Variants in KSR2 observed in about 807,000 individuals in gnomAD.
KSR2 encodes the protein kinase suppressor of ras 2.
A neutral mutation model predicts 107.8 loss-of-function variants in KSR2; 25 were observed. The ratio of observed to expected loss-of-function variants is 0.23; its 90% CI spans 0.17 to 0.32. The LOEUF is 0.32. Ranked by LOEUF, KSR2 falls within the 10% of genes least tolerant of loss-of-function variation. The pLI, the probability that KSR2 is intolerant of heterozygous loss-of-function variation, is 1.00. For synonymous variants in KSR2, 480 were observed against 507.0 expected, an observed-to-expected ratio of 0.95 and a Z score of 0.71; for missense variants, 887 against 1,268.9, an observed-to-expected ratio of 0.70 and a Z score of 4.57.
At chr12:117,942,687 C>T (rs1896047747) in intron 1 of KSR2, among the ~76,000 whole-genome samples, 3 of 148,184 alleles carry the variant, frequency 2.0e-5, no homozygotes, top group African/African-American at 5.0e-5. Flanking sequence ...TTTGGAGAAA[C>T]AAGAGTTTTG....
intron 5 of KSR2, among the ~76,000 whole-genome samples, chr12:117,629,315 C>A (rs1882698244): frequency 6.6e-6 from 1 of 152,190 alleles, no homozygotes; most frequent in Non-Finnish European, 1.5e-5. Context: ...CAGAGCTGTT[C>A]CTATTTGGCC....
chr12:117,914,452 A>G (rs1273474059), intron 1 of KSR2, among the ~76,000 whole-genome samples: 2 of 151,672 alleles, frequency 1.3e-5, no homozygotes, highest in African/African-American at 2.4e-5. Flanking sequence ...AAGCCAAACA[A>G]CAACAACAAA....
At chr12:117,873,650 G>T (rs1311530365) in intron 1 of KSR2, among the ~76,000 whole-genome samples, 3 of 151,974 alleles carry the variant, frequency 2.0e-5, no homozygotes, top group African/African-American at 7.2e-5. Flanking sequence ...TAGTAGAGAT[G>T]GGGTTTCACC....
chr12:117,469,340 T>C (rs1871304389), intron 19 of KSR2, among the ~76,000 whole-genome samples: 1 of 152,002 alleles, frequency 6.6e-6, no homozygotes, highest in Non-Finnish European at 1.5e-5. Context: ...ACCTGACATA[T>C]GGGGGGCTTG....
chr12:117,486,406 G>T (rs776020659), intron 14 of KSR2, among the ~76,000 whole-genome samples: 2 of 152,134 alleles, frequency 1.3e-5, no homozygotes, highest in Non-Finnish European at 2.9e-5. Flanking sequence ...TTCCCAGCAC[G>T]CACAGAGCAG....
intron 1 of KSR2, among the ~76,000 whole-genome samples, chr12:117,893,907 C>CTTTTT (rs56095185): frequency 4.1e-4 from 53 of 129,320 alleles, no homozygotes; most frequent in African/African-American, 1.3e-3. Flanking sequence ...GAACAAAATT[C>CTTTTT]TTTTTTTTTT....
intron 5 of KSR2, among the ~76,000 whole-genome samples, chr12:117,612,542 A>G (rs983512854): frequency 6.6e-6 from 1 of 152,204 alleles, no homozygotes; most frequent in African/African-American, 2.4e-5. Context: ...GGTCAGCCAG[A>G]ACAATATCTA....
chr12:117,833,034 G>T (rs984580634), intron 3 of KSR2, among the ~76,000 whole-genome samples: 2 of 152,158 alleles, frequency 1.3e-5, no homozygotes, highest in Non-Finnish European at 2.9e-5. Context: ...CGTGGGGCGG[G>T]GGGTGGTGGA....
chr12:117,805,643 T>C (rs1037569827), intron 3 of KSR2, among the ~76,000 whole-genome samples: 2 of 152,098 alleles, frequency 1.3e-5, no homozygotes, highest in African/African-American at 2.4e-5. Flanking sequence ...CTAAGTGTGG[T>C]CCCCTAACCA....
At chr12:117,468,238 C>A (rs1330391784) in intron 19 of KSR2, among the ~76,000 whole-genome samples, 1 of 152,164 alleles carries the variant, frequency 6.6e-6, no homozygotes, top group Admixed American at 6.5e-5. Flanking sequence ...TTGAGAGGCA[C>A]CTGCTAACCA....
intron 3 of KSR2, among the ~76,000 whole-genome samples, chr12:117,833,825 G>A (rs1297940765): frequency 2.0e-5 from 3 of 151,922 alleles, no homozygotes; most frequent in Non-Finnish European, 2.9e-5. Context: ...TTCCCCTACC[G>A]TGATTTCCCA....
At position 117,955,269 on chromosome 12, in the gene KSR2, T is replaced by C. The variant is rs576539691; in HGVS notation, c.180+12807A>G. The stretch of plus-strand genomic sequence containing the variant: ...TCCCAGGTATCTGGGACCACAGGCA[T>C]GCACCACTACTTAGACTCAGCTAAT... On this transcript the variant is annotated intron_variant, in intron 1 of 19. Coordinates refer to ENST00000339824, the MANE Select transcript of KSR2 (RefSeq NM_173598.6). 8.5e-5 allele frequency among the ~76,000 whole-genome samples: 13 copies of C among 152,094 alleles called. No individual in the cohort carries two copies. In the East Asian group the frequency reaches 2.0e-3, roughly 23 times the overall value.
At chr12:117,639,430 A>T (rs1307577536) in intron 5 of KSR2, among the ~76,000 whole-genome samples, 1 of 151,176 alleles carries the variant, frequency 6.6e-6, no homozygotes, top group Non-Finnish European at 1.5e-5. Context: ...CCCAGGTTCA[A>T]GCAATTCTCG....
At chr12:117,528,206 C>T (rs1875357917) in intron 12 of KSR2, among the ~76,000 whole-genome samples, 1 of 151,836 alleles carries the variant, frequency 6.6e-6, no homozygotes, top group African/African-American at 2.4e-5. Context: ...ATTGGGTGTG[C>T]ATTAGAGGTG....
intron 4 of KSR2, among the ~76,000 whole-genome samples, chr12:117,728,058 C>T (rs1887508984): frequency 6.6e-6 from 1 of 152,046 alleles, no homozygotes; most frequent in Non-Finnish European, 1.5e-5. Flanking sequence ...CAGGGTGGGG[C>T]AAGATGATCG....
intron 4 of KSR2, among the ~76,000 whole-genome samples, chr12:117,716,922 T>C (rs1887006843): frequency 6.6e-6 from 1 of 152,220 alleles, no homozygotes; most frequent in Admixed American, 6.5e-5. Flanking sequence ...AGTGTTTTAT[T>C]TCCTCCCACG....
intron 3 of KSR2, among the ~76,000 whole-genome samples, chr12:117,802,110 G>A (rs1890853143): frequency 6.6e-6 from 1 of 152,078 alleles, no homozygotes; most frequent in African/African-American, 2.4e-5. Flanking sequence ...AAAAATCAAG[G>A]TGTAAAGAAA....
intron 4 of KSR2, among the ~76,000 whole-genome samples, chr12:117,741,603 A>C (rs1167680147): frequency 1.3e-5 from 2 of 152,158 alleles, no homozygotes; most frequent in East Asian, 3.9e-4. Context: ...AGAAGTGGGG[A>C]TTACAGTGAG....
intron 4 of KSR2, among the ~76,000 whole-genome samples, chr12:117,723,991 T>C (rs992522572): frequency 6.6e-6 from 1 of 152,152 alleles, no homozygotes; most frequent in East Asian, 1.9e-4. Flanking sequence ...AAACATAATA[T>C]GTTTTAAAGA....
Sources: allele counts gnomAD v4.1 joint callset (sites outside exome capture counted in the v4.1 genomes callset), GRCh38; gene constraint gnomAD v4.1.1; transcripts MANE v1.5; gene names NCBI Gene and HGNC (gene_info 2026-07-23, HGNC 2026-07-21).